AKT3: variants seen among roughly 807,000 people sequenced by gnomAD.
AKT3 encodes AKT serine/threonine kinase 3.
In AKT3, 15 loss-of-function variants were observed where a neutral mutation model predicts 65.3. That is an observed-to-expected ratio of 0.23 (90% CI 0.15 to 0.35). The LOEUF is 0.35. AKT3 is among the 10% of genes least tolerant of loss of function. The pLI is 1.00. For synonymous variants in AKT3, 206 were observed against 183.8 expected, an observed-to-expected ratio of 1.12 and a Z score of -0.98; for missense variants, 243 against 576.5, an observed-to-expected ratio of 0.42 and a Z score of 5.92.
upstream of AKT3, among the ~76,000 whole-genome samples, chr1:243,850,692 G>A (rs1052319531): frequency 5.3e-5 from 8 of 151,716 alleles, no homozygotes; most frequent in East Asian, 9.8e-4. Flanking sequence ...CCGCGTCCCC[G>A]GCCCTGCCCG....
chr1:243,818,344 G>A (rs1482696070), intron 2 of AKT3, among the ~76,000 whole-genome samples: 2 of 152,130 alleles, frequency 1.3e-5, no homozygotes, highest in Non-Finnish European at 2.9e-5. Flanking sequence ...TCATCTTGAA[G>A]TCTTTTTTCC....
intron 8 of AKT3, among the ~76,000 whole-genome samples, chr1:243,573,422 C>T (rs1477339868): frequency 6.6e-6 from 1 of 152,088 alleles, no homozygotes; most frequent in African/African-American, 2.4e-5. Flanking sequence ...AACACAAGCA[C>T]AGATATATTT....
At chr1:243,769,032 T>A (rs995950180) in intron 2 of AKT3, among the ~76,000 whole-genome samples, 1 of 152,050 alleles carries the variant, frequency 6.6e-6, no homozygotes, top group Admixed American at 6.6e-5. Context: ...CTCCTGACCA[T>A]GAAACCACTT....
intron 3 of AKT3, among the ~76,000 whole-genome samples, chr1:243,671,039 A>T (rs1428021089): frequency 6.6e-6 from 1 of 152,210 alleles, no homozygotes; most frequent in Non-Finnish European, 1.5e-5. Flanking sequence ...TTTCTAAAAT[A>T]ACATCCAATG....
intron 2 of AKT3, among the ~76,000 whole-genome samples, chr1:243,821,546 G>A (rs1044641922): frequency 3.3e-5 from 5 of 152,110 alleles, no homozygotes; most frequent in African/African-American, 1.2e-4. Flanking sequence ...CCCATCTCAT[G>A]GGCAAAGACA....
At chr1:243,831,697 C>T (rs1299853212) in intron 2 of AKT3, among the ~76,000 whole-genome samples, 1 of 152,134 alleles carries the variant, frequency 6.6e-6, no homozygotes, top group Non-Finnish European at 1.5e-5. Context: ...GGAAGTAGAG[C>T]AGTGAATAAT....
chr1:243,557,176 C>A (rs1673466209), intron 10 of AKT3, among the ~76,000 whole-genome samples: 1 of 152,034 alleles, frequency 6.6e-6, no homozygotes, highest in Non-Finnish European at 1.5e-5. Context: ...ACATATCTTC[C>A]AAGAAATTTC....
chr1:243,808,122 C>CCT (rs1375899087), intron 2 of AKT3: 3 of 152,224 alleles, frequency 2.0e-5, no homozygotes, highest in Non-Finnish European at 4.4e-5. Flanking sequence ...AATCAGAGCA[C>CCT]CTCTCCTCCT....
chr1:243,709,224 A>G (rs541312762), intron 2 of AKT3, among the ~76,000 whole-genome samples: 2 of 151,070 alleles, frequency 1.3e-5, no homozygotes, highest in African/African-American at 2.4e-5. Context: ...ATTAGTAACT[A>G]TCCAACTTTC....
intron 8 of AKT3, among the ~76,000 whole-genome samples, chr1:243,573,823 G>A (rs1415599192): frequency 6.6e-6 from 1 of 152,022 alleles, no homozygotes; most frequent in East Asian, 1.9e-4. Context: ...CATTCACTGG[G>A]TGCTTACTGT....
intron 2 of AKT3, among the ~76,000 whole-genome samples, chr1:243,707,695 A>G (rs1160273892): frequency 6.6e-6 from 1 of 152,152 alleles, no homozygotes; most frequent in Admixed American, 6.6e-5. Context: ...TTATTTTGAC[A>G]TCAGGCCTTC....
At chr1:243,650,877 G>T (rs142060141) in intron 4 of AKT3, among the ~76,000 whole-genome samples, 1 of 152,198 alleles carries the variant, frequency 6.6e-6, no homozygotes, top group East Asian at 1.9e-4. Context: ...GATTGTCTTG[G>T]CTATGCGGGC....
intron 3 of AKT3, among the ~76,000 whole-genome samples, chr1:243,684,627 T>A (rs1324739804): frequency 6.6e-6 from 1 of 152,190 alleles, no homozygotes; most frequent in Non-Finnish European, 1.5e-5. Context: ...TACGTGTGCA[T>A]GTGTCTTTAT....
At chr1:243,629,915 C>T (rs186239830) in intron 6 of AKT3, among the ~76,000 whole-genome samples, 1 of 152,188 alleles carries the variant, frequency 6.6e-6, no homozygotes, top group African/African-American at 2.4e-5. Flanking sequence ...ATCCTGTCTG[C>T]CAGAAAGGGA....
chr1:243,804,037 CAGA>C (rs1396336490), intron 2 of AKT3, among the ~76,000 whole-genome samples: 7 of 152,192 alleles, frequency 4.6e-5, no homozygotes, highest in East Asian at 1.9e-4. Context: ...GCCCACACAG[CAGA>C]AGAAGACCCT....
chr1:243,767,085 A>G (rs1312949123), intron 2 of AKT3, among the ~76,000 whole-genome samples: 2 of 152,200 alleles, frequency 1.3e-5, no homozygotes, highest in Non-Finnish European at 2.9e-5. Context: ...TGTAGCCATG[A>G]CAGCAGAAGA....
intron 2 of AKT3, among the ~76,000 whole-genome samples, chr1:243,831,016 T>C (rs1159158628): frequency 6.6e-6 from 1 of 152,172 alleles, no homozygotes; most frequent in East Asian, 1.9e-4. Flanking sequence ...CTCCTGAACA[T>C]TAGGCTGCTT....
intron 10 of AKT3, among the ~76,000 whole-genome samples, chr1:243,559,860 C>T (rs536799198): frequency 6.6e-6 from 1 of 152,092 alleles, no homozygotes; most frequent in South Asian, 2.1e-4. Flanking sequence ...TCACGAAAAG[C>T]CCAGCATTAA....
intron 3 of AKT3, among the ~76,000 whole-genome samples, chr1:243,681,705 G>A (rs1683931537): frequency 6.6e-6 from 1 of 152,108 alleles, no homozygotes; most frequent in South Asian, 2.1e-4. Context: ...CACCATATAT[G>A]ATTAAATGCA....
Sources: allele counts gnomAD v4.1 joint callset (sites outside exome capture counted in the v4.1 genomes callset), GRCh38; gene constraint gnomAD v4.1.1; transcripts MANE v1.5; gene names NCBI Gene and HGNC (gene_info 2026-07-23, HGNC 2026-07-21).